SHISA6: variants seen among roughly 807,000 people sequenced by gnomAD.
The protein encoded by SHISA6 is shisa family member 6.
SHISA6 carries 22 observed loss-of-function variants against 47.9 expected under a neutral mutation model. That is an observed-to-expected ratio of 0.46 (90% CI 0.33 to 0.66). The LOEUF is 0.66. Ranked by LOEUF, SHISA6 falls within the 30% of genes least tolerant of loss-of-function variation. SHISA6 has a pLI of 0.02. For synonymous variants in SHISA6, 388 were observed against 337.8 expected (o/e 1.15, Z -1.63); for missense variants, 680 against 764.6 (o/e 0.89, Z 1.30).
intron 2 of SHISA6, among the ~76,000 whole-genome samples, chr17:11,274,873 A>G (rs894037062): frequency 1.1e-4 from 16 of 152,172 alleles, no homozygotes; most frequent in Non-Finnish European, 2.4e-4. Context: ...CGGAGTGATC[A>G]TCACCAAGTG....
At chr17:11,248,364 G>T (rs1907670425) in intron 1 of SHISA6, among the ~76,000 whole-genome samples, 1 of 152,148 alleles carries the variant, frequency 6.6e-6, no homozygotes, top group African/African-American at 2.4e-5. Flanking sequence ...TACAAGTGAG[G>T]CAACTGAAAT....
chr17:11,408,611 T>C (rs11652257), intron 3 of SHISA6, among the ~76,000 whole-genome samples: 58,106 of 151,968 alleles, frequency 0.38, 11,343 homozygotes, highest in Middle Eastern at 0.45. Context: ...GTAGCGGGCA[T>C]GAAGTGTCAT....
At chr17:11,260,690 T>C (rs1186271647) in intron 1 of SHISA6, among the ~76,000 whole-genome samples, 1 of 151,996 alleles carries the variant, frequency 6.6e-6, no homozygotes, top group Non-Finnish European at 1.5e-5. Flanking sequence ...AACTCTCTTC[T>C]CTGAACCTTC....
At chr17:11,464,810 C>T (rs1036979289) in intron 3 of SHISA6, among the ~76,000 whole-genome samples, 2 of 151,988 alleles carry the variant, frequency 1.3e-5, no homozygotes, top group Non-Finnish European at 2.9e-5. Flanking sequence ...GGAGTGGTGG[C>T]GGGTGCCTGT....
intron 2 of SHISA6, among the ~76,000 whole-genome samples, chr17:11,265,374 C>T (rs1165511793): frequency 6.6e-6 from 1 of 152,152 alleles, no homozygotes; most frequent in Admixed American, 6.5e-5. Flanking sequence ...TTAAGGATGT[C>T]TGGGCCCCAT....
intron 2 of SHISA6, among the ~76,000 whole-genome samples, chr17:11,375,627 C>T (rs1433391208): frequency 2.6e-5 from 4 of 152,084 alleles, no homozygotes; most frequent in African/African-American, 4.8e-5. Context: ...CAGAGTCAGC[C>T]GTATCACACA....
At chr17:11,532,484 CGTGT>C (rs367554125) in intron 3 of SHISA6, among the ~76,000 whole-genome samples, 1 of 151,734 alleles carries the variant, frequency 6.6e-6, no homozygotes, top group African/African-American at 2.4e-5. Flanking sequence ...TGTGCGCGCG[CGTGT>C]GTGTGTGTGC....
chr17:11,397,845 C>CT (rs1374487722), intron 3 of SHISA6, among the ~76,000 whole-genome samples: 4 of 151,924 alleles, frequency 2.6e-5, no homozygotes, highest in African/African-American at 7.2e-5. Context: ...ACCTGGTGGG[C>CT]TTTTTTCATA....
intron 3 of SHISA6, among the ~76,000 whole-genome samples, chr17:11,449,988 C>T (rs1915342305): frequency 6.6e-6 from 1 of 152,192 alleles, no homozygotes; most frequent in South Asian, 2.1e-4. Flanking sequence ...GGGTTCACGC[C>T]ATTCTCCTGC....
intron 2 of SHISA6, among the ~76,000 whole-genome samples, chr17:11,281,211 ACAGT>A (rs1268380799): frequency 6.6e-6 from 1 of 152,176 alleles, no homozygotes; most frequent in Non-Finnish European, 1.5e-5. Context: ...TGTATAACAT[ACAGT>A]CAAAGTGGTG....
chr17:11,276,651 T>C (rs1281542828), intron 2 of SHISA6, among the ~76,000 whole-genome samples: 1 of 151,742 alleles, frequency 6.6e-6, no homozygotes, highest in East Asian at 1.9e-4. Flanking sequence ...ATCATCATCC[T>C]CACCATGACC....
At chr17:11,295,800 A>T (rs986571254) in intron 2 of SHISA6, among the ~76,000 whole-genome samples, 1 of 152,008 alleles carries the variant, frequency 6.6e-6, no homozygotes, top group African/African-American at 2.4e-5. Context: ...CGTCTCTACT[A>T]AAAATACAAA....
Position 11,444,644 on chromosome 17 carries a change from G to T in SHISA6, c.895+65135G>T, listed in dbSNP as rs529237366. ...GAGCCCCAAATCTAAAATCACTAAA[G>T]GAGAAGCTTCTAGCTGGATGGAGCT... is the stretch of plus-strand genomic sequence containing the variant. On this transcript the variant is annotated intron_variant, in intron 3 of 5. Transcript: ENST00000441885. Among the ~76,000 whole-genome samples, 22 of 152,238 alleles carry T rather than the reference G, an allele frequency of 1.4e-4. No homozygotes were observed. The East Asian group carries it at 3.9e-3, about 27-fold the overall frequency.
At chr17:11,506,509 A>G (rs920163407) in intron 3 of SHISA6, among the ~76,000 whole-genome samples, 18 of 152,218 alleles carry the variant, frequency 1.2e-4, no homozygotes, top group Admixed American at 1.1e-3. Context: ...CCCATCAGTT[A>G]TAATCAATCA....
chr17:11,378,316 C>CT (rs1047268875), intron 2 of SHISA6, among the ~76,000 whole-genome samples: 6 of 151,600 alleles, frequency 4.0e-5, no homozygotes, highest in African/African-American at 1.5e-4. Context: ...TGTTTGTGTG[C>CT]TTTTTTTCTA....
intron 2 of SHISA6, among the ~76,000 whole-genome samples, chr17:11,334,344 A>G (rs1321158929): frequency 2.0e-5 from 3 of 152,184 alleles, no homozygotes; most frequent in Non-Finnish European, 4.4e-5. Flanking sequence ...AAATTCACCC[A>G]GTTGGTGTCA....
rs201325240 is a variant in SHISA6, at chr17:11,357,811, C to T, written c.800-21603C>T. ...ATTATTTCCCTTGGATAGATTGCTA[C>T]AAGTCGAATTACTAAGCCAAAGGGT... On this transcript the variant is annotated intron_variant, in intron 2 of 5. Coordinates refer to ENST00000441885, the MANE Select transcript of SHISA6 (RefSeq NM_207386.4). Among the ~76,000 whole-genome samples, 6 of 152,312 alleles carry T rather than the reference C, an allele frequency of 3.9e-5. No individual in the cohort carries two copies. The East Asian group carries it at 1.2e-3, about 29-fold the overall frequency.
chr17:11,514,146 G>A (rs1486321602), intron 3 of SHISA6, among the ~76,000 whole-genome samples: 1 of 152,112 alleles, frequency 6.6e-6, no homozygotes, highest in Non-Finnish European at 1.5e-5. Context: ...TTCGTGGACG[G>A]CCCTATTGTA....
intron 3 of SHISA6, among the ~76,000 whole-genome samples, chr17:11,443,038 C>T (rs1915133628): frequency 6.6e-6 from 1 of 152,166 alleles, no homozygotes; most frequent in Non-Finnish European, 1.5e-5. Context: ...AGGTGAAGGG[C>T]CAACGATTAC....
Sources: allele counts gnomAD v4.1 joint callset (sites outside exome capture counted in the v4.1 genomes callset), GRCh38; gene constraint gnomAD v4.1.1; transcripts MANE v1.5; gene names NCBI Gene and HGNC (gene_info 2026-07-23, HGNC 2026-07-21).